Variants in STOX1 observed in about 807,000 individuals in gnomAD.
The protein encoded by STOX1 is storkhead-box protein 1.
A neutral mutation model predicts 74.8 loss-of-function variants in STOX1; 57 were observed. That is an observed-to-expected ratio of 0.76 (90% CI 0.62 to 0.95). STOX1 has a LOEUF of 0.95. Among genes scored for constraint, STOX1 ranks in the 40% least tolerant of loss-of-function variants. The pLI, the probability that STOX1 is intolerant of heterozygous loss-of-function variation, is 0.00. For missense variants in STOX1, 1,010 were observed against 1,117.0 expected, an observed-to-expected ratio of 0.90 and a Z score of 1.37; for synonymous variants, 375 against 401.3, an observed-to-expected ratio of 0.93 and a Z score of 0.78.
chr10:68,863,154 C>T (rs1840302291), intron 1 of STOX1, among the ~76,000 whole-genome samples: 1 of 152,014 alleles, frequency 6.6e-6, no homozygotes, highest in South Asian at 2.1e-4. Flanking sequence ...GACCGGGCAA[C>T]CAAGAGCTAT....
At chr10:68,855,778 T>C (rs1368568890) in intron 1 of STOX1, among the ~76,000 whole-genome samples, 1 of 151,608 alleles carries the variant, frequency 6.6e-6, no homozygotes, top group African/African-American at 2.4e-5. Flanking sequence ...AAAAGACTCT[T>C]AATGTGTCCT....
intron 1 of STOX1, chr10:68,829,094 G>T (rs1429683200): frequency 3.1e-6 from 2 of 648,558 alleles, no homozygotes; most frequent in Non-Finnish European, 3.8e-6. Flanking sequence ...GTTGTTCCGC[G>T]CTTAATTTTC....
Position 68,855,962 on chromosome 10 carries a change from C to T in STOX1, c.311-25996C>T, listed in dbSNP as rs79049938. Among the ~76,000 whole-genome samples the T allele has an allele frequency of 4.0e-3, 614 of 152,078 alleles. 11 individuals are homozygous for T. The highest frequency in any genetic ancestry group is 0.014 in the African/African-American group (590 of 41,398). On this transcript the variant is annotated intron_variant, in intron 1 of 3. Transcript: ENST00000298596. ...AGGTGTGCAAGATGTTATGTGTGGA[C>T]CGTATGTGAGCTGGGACCATCCCCT...
chr10:68,867,136 A>C (rs953577992), intron 1 of STOX1, among the ~76,000 whole-genome samples: 14 of 151,768 alleles, frequency 9.2e-5, no homozygotes, highest in Non-Finnish European at 1.9e-4. Flanking sequence ...TAGTAGAGAC[A>C]GGGTTTCACT....
intron 3 of STOX1, among the ~76,000 whole-genome samples, chr10:68,891,419 GAA>G (rs1841093738): frequency 6.6e-6 from 1 of 152,196 alleles, no homozygotes; most frequent in Admixed American, 6.5e-5. Context: ...GCTGTTTAGA[GAA>G]AGACTTATTA....
At chr10:68,867,571 G>A (rs1019227565) in intron 1 of STOX1, among the ~76,000 whole-genome samples, 1 of 152,156 alleles carries the variant, frequency 6.6e-6, no homozygotes, top group Non-Finnish European at 1.5e-5. Context: ...GTATTGAGGG[G>A]GTGCCAAGGG....
chr10:68,894,777 G>A (rs1425743467), downstream of STOX1, among the ~76,000 whole-genome samples: 1 of 152,150 alleles, frequency 6.6e-6, no homozygotes, highest in African/African-American at 2.4e-5. Flanking sequence ...TCAGGCTGGA[G>A]TACAGTGGCA....
chr10:68,837,844 C>T lies in STOX1; in HGVS notation c.310+9911C>T, dbSNP rs114501017. The stretch of plus-strand genomic sequence containing the variant: ...CCTTTTTACTGCACAGATTTGGCAT[C>T]GGACTCCAATAAGATACCATCTATG... On this transcript the variant is annotated intron_variant, in intron 1 of 3. Transcript: ENST00000298596. 2.4e-3 allele frequency among the ~76,000 whole-genome samples: 358 copies of T among 152,324 alleles called. 3 individuals carry two copies. The highest frequency in any genetic ancestry group is 8.2e-3 in the African/African-American group (340 of 41,572).
At chr10:68,874,012 C>CTTTTTTTT (rs1840613803) in intron 1 of STOX1, among the ~76,000 whole-genome samples, 2 of 11,374 alleles carry the variant, frequency 1.8e-4, no homozygotes, top group Admixed American at 9.6e-4. Context: ...AGCTAGGTAG[C>CTTTTTTTT]CTTTTTTTTT....
At chr10:68,855,107 C>CG (rs1166264660) in intron 1 of STOX1, among the ~76,000 whole-genome samples, 2 of 131,488 alleles carry the variant, frequency 1.5e-5, no homozygotes, top group African/African-American at 5.9e-5. Flanking sequence ...GACAGAAAGA[C>CG]TGTTTCTTAA....
rs1431355316 is a variant in STOX1 at position 68,886,282 on chromosome 10, A to G, written c.2486A>G (p.Gln829Arg). Reference protein sequence around the residue: ...AESCGLNSGAQFGFNYEEEPS... With the variant: ...AESCGLNSGARFGFNYEEEPS... Reference sequence around the variant, plus strand: ...AGTTGTGGCCTAAATTCAGGGGCCCAGTTTGGTTTTAACTACGAAGAAGAA... The same window carrying G: ...AGTTGTGGCCTAAATTCAGGGGCCCGGTTTGGTTTTAACTACGAAGAAGAA... The change falls in exon 3 of 4, where the codon CAG (glutamine) becomes CGG (arginine). Residue 829 changes from glutamine to arginine, a missense_variant. Transcript: ENST00000298596. 1 of 1,614,210 alleles carries G rather than the reference A, an allele frequency of 6.2e-7. No homozygotes were observed.
At chr10:68,887,874 C>T (rs1032460705) in intron 3 of STOX1, among the ~76,000 whole-genome samples, 3 of 152,082 alleles carry the variant, frequency 2.0e-5, no homozygotes, top group East Asian at 1.9e-4. Context: ...CAATTACAGG[C>T]GTGAGCTGCC....
At chr10:68,837,825 T>A (rs1839593757) in intron 1 of STOX1, among the ~76,000 whole-genome samples, 1 of 152,240 alleles carries the variant, frequency 6.6e-6, no homozygotes, top group Admixed American at 6.5e-5. Flanking sequence ...CTGCCCTTTT[T>A]ACTGCACAGA....
At chr10:68,832,612 G>A (rs936853752) in intron 1 of STOX1, among the ~76,000 whole-genome samples, 2 of 151,680 alleles carry the variant, frequency 1.3e-5, no homozygotes, top group Admixed American at 6.6e-5. Flanking sequence ...TGCAGTGAGT[G>A]GAGATTGTGC....
At chr10:68,853,599 C>A (rs1417425808) in intron 1 of STOX1, among the ~76,000 whole-genome samples, 1 of 152,084 alleles carries the variant, frequency 6.6e-6, no homozygotes, top group East Asian at 1.9e-4. Flanking sequence ...CAGGGCTTTT[C>A]AGGCTGAGTC....
intron 1 of STOX1, among the ~76,000 whole-genome samples, chr10:68,854,724 G>GT (rs1326284423): frequency 1.3e-5 from 2 of 152,076 alleles, no homozygotes; most frequent in South Asian, 2.1e-4. Flanking sequence ...ATAAGCCAGT[G>GT]TTTTTTACCA....
In STOX1 at chr10:68,827,654, T is replaced by C; in HGVS notation, c.31T>C (p.Ser11Pro). The change falls in exon 1 of 4, where the codon TCG becomes CCG. Residue 11 changes from serine (S) to proline (P), a missense_variant. Transcript: ENST00000298596. MARPVQLAPG[S>P]LALVLCRLEA... is the part of the protein sequence containing the mutation. ...CCGGCCCGTGCAGCTGGCGCCGGGCTCGCTGGCGCTAGTGCTGTGCCGGCT... is the reference window on the plus strand; with the variant it reads ...CCGGCCCGTGCAGCTGGCGCCGGGCCCGCTGGCGCTAGTGCTGTGCCGGCT... 1 of 1,141,762 alleles carries C rather than the reference T, an allele frequency of 8.8e-7. No individual in the cohort carries two copies. The highest frequency in any genetic ancestry group is 1.1e-6 in the Non-Finnish European group (1 of 930,504). The allele number at this position is 1,141,762 out of a possible 1,614,324, so 70.7% of individuals were successfully genotyped here. A position where few individuals can be genotyped will look rare whatever the true frequency, so the allele number is the denominator to read the frequency against.
At chr10:68,863,079 T>G (rs552404867) in intron 1 of STOX1, among the ~76,000 whole-genome samples, 7 of 152,200 alleles carry the variant, frequency 4.6e-5, no homozygotes, top group African/African-American at 1.7e-4. Context: ...GATGTTCAAA[T>G]CCTAAAGAAA....
At chr10:68,829,228 A>T (rs1286532248) in intron 1 of STOX1, among the ~76,000 whole-genome samples, 1 of 152,236 alleles carries the variant, frequency 6.6e-6, no homozygotes, top group African/African-American at 2.4e-5. Flanking sequence ...TAATCCCAGC[A>T]CTTTGAGAGG....
Sources: gnomAD v4.1 joint callset for allele counts (sites outside exome capture counted in the v4.1 genomes callset) on GRCh38, gnomAD v4.1.1 for gene constraint, MANE v1.5 for transcripts, NCBI Gene and HGNC (gene_info 2026-07-23, HGNC 2026-07-21) for gene names.